Variants in SLC24A3 observed in about 807,000 individuals in gnomAD.
The protein encoded by SLC24A3 is solute carrier family 24 member 3.
In SLC24A3, 28 loss-of-function variants were observed where a neutral mutation model predicts 75.8. That is an observed-to-expected ratio of 0.37 (90% CI 0.27 to 0.51). SLC24A3 has a LOEUF of 0.51. Ranked by LOEUF, SLC24A3 falls within the 20% of genes least tolerant of loss-of-function variation. The probability of loss-of-function intolerance (pLI) is 0.94; values close to 1 mark genes in which losing one functional copy is unlikely to be tolerated. For missense variants in SLC24A3, 663 were observed against 847.8 expected, an observed-to-expected ratio of 0.78 and a Z score of 2.71; for synonymous variants, 372 against 334.1, an observed-to-expected ratio of 1.11 and a Z score of -1.24.
At chr20:19,605,683 C>T (rs1036186235) in intron 6 of SLC24A3, among the ~76,000 whole-genome samples, 4 of 152,186 alleles carry the variant, frequency 2.6e-5, no homozygotes, top group Admixed American at 6.5e-5. Context: ...GATTTTTCGA[C>T]GTCTTCCCCA....
chr20:19,314,955 A>T (rs1984549753), intron 2 of SLC24A3, among the ~76,000 whole-genome samples: 1 of 152,168 alleles, frequency 6.6e-6, no homozygotes, highest in African/African-American at 2.4e-5. Context: ...CATTAACTGC[A>T]TGTTGTGGCA....
At chr20:19,493,011 G>T (rs1988230343) in intron 2 of SLC24A3, among the ~76,000 whole-genome samples, 1 of 152,180 alleles carries the variant, frequency 6.6e-6, no homozygotes, top group South Asian at 2.1e-4. Flanking sequence ...ATGTCTCACT[G>T]CCGATATCTG....
At chr20:19,228,367 C>T (rs976206966) in intron 1 of SLC24A3, among the ~76,000 whole-genome samples, 5 of 152,108 alleles carry the variant, frequency 3.3e-5, no homozygotes, top group South Asian at 2.1e-4. Flanking sequence ...GGGCCGGGCG[C>T]GGTGGCTCAC....
chr20:19,469,001 T>C (rs912294526), intron 2 of SLC24A3, among the ~76,000 whole-genome samples: 2 of 152,074 alleles, frequency 1.3e-5, no homozygotes, highest in Admixed American at 6.5e-5. Flanking sequence ...TTCAGAGAGA[T>C]GGATACTTAA....
chr20:19,410,696 A>G (rs1412714465), intron 2 of SLC24A3, among the ~76,000 whole-genome samples: 3 of 152,234 alleles, frequency 2.0e-5, no homozygotes, highest in Non-Finnish European at 2.9e-5. Flanking sequence ...CCTGGCACAT[A>G]ATAGGTGCTC....
intron 6 of SLC24A3, among the ~76,000 whole-genome samples, chr20:19,645,647 T>C (rs1006910537): frequency 6.6e-6 from 1 of 152,058 alleles, no homozygotes; most frequent in African/African-American, 2.4e-5. Context: ...AAACCAAAAG[T>C]CTTGATGTTG....
At chr20:19,516,874 C>T (rs1170550519) in intron 3 of SLC24A3, among the ~76,000 whole-genome samples, 1 of 152,198 alleles carries the variant, frequency 6.6e-6, no homozygotes, top group African/African-American at 2.4e-5. Flanking sequence ...GCTGTGGAGT[C>T]AGAGAAGACA....
chr20:19,504,277 C>T (rs767252066), intron 2 of SLC24A3, among the ~76,000 whole-genome samples: 71 of 152,144 alleles, frequency 4.7e-4, no homozygotes, highest in Non-Finnish European at 8.5e-4. Flanking sequence ...TGTTATTATC[C>T]TCCCATCTAT....
Position 19,537,578 on chromosome 20 carries a change from G to A in SLC24A3, c.348+22014G>A, listed in dbSNP as rs1291836000. Among the ~76,000 whole-genome samples the A allele has an allele frequency of 3.5e-3, 529 of 152,120 alleles. 5 individuals carry two copies. Among genetic ancestry groups the A allele is most frequent in the African/African-American group, 0.012 (494 of 41,506 alleles). On this transcript the variant is annotated intron_variant, in intron 3 of 16. Transcript: ENST00000328041. ...TGCTGCTATAAAGACACATGCACAC[G>A]TATGTTTATTGCAGCACTATTCACA...
rs115992559 is a variant in SLC24A3, at chr20:19,279,964, A to T, written c.143-995A>T. ...CTAAAGAGAGAGTCATGCTGTGGCC[A>T]GCAACGTGGCCATTCCACTGTTCTC... is the stretch of plus-strand genomic sequence containing the variant. On this transcript the variant is annotated intron_variant, in intron 1 of 16. Transcript: ENST00000328041. 9.8e-3 allele frequency among the ~76,000 whole-genome samples: 1,490 copies of T among 152,320 alleles called. 22 individuals carry two copies. The highest frequency in any genetic ancestry group is 0.033 in the African/African-American group (1,353 of 41,558).
chr20:19,370,532 G>A (rs553076063), intron 2 of SLC24A3, among the ~76,000 whole-genome samples: 1 of 152,354 alleles, frequency 6.6e-6, no homozygotes, highest in South Asian at 2.1e-4. Flanking sequence ...CTTGAAGCCA[G>A]ACAGTCCGTG....
chr20:19,332,480 A>G (rs924424571), intron 2 of SLC24A3, among the ~76,000 whole-genome samples: 1 of 152,184 alleles, frequency 6.6e-6, no homozygotes, highest in African/African-American at 2.4e-5. Flanking sequence ...GAAGTCACTC[A>G]ATGCCTTTCA....
In SLC24A3 at chr20:19,222,432, A is replaced by G. The variant is rs78830316; in HGVS notation, c.142+9448A>G. ...TTGTTGATTGTATCTCTGTTATGCT[A>G]TCTAACTGGGCTATTTTATTGGGCA... On this transcript the variant is annotated intron_variant, in intron 1 of 16. Coordinates refer to ENST00000328041, the MANE Select transcript of SLC24A3 (RefSeq NM_020689.4). Among the ~76,000 whole-genome samples the G allele has an allele frequency of 6.1e-3, 924 of 152,256 alleles. 5 individuals carry two copies. The highest frequency in any genetic ancestry group is 0.02 in the African/African-American group (835 of 41,542).
chr20:19,699,116 A>T (rs565106942), intron 15 of SLC24A3, among the ~76,000 whole-genome samples: 1 of 152,366 alleles, frequency 6.6e-6, no homozygotes, highest in African/African-American at 2.4e-5. Flanking sequence ...CAACCATTTA[A>T]ATATGTAAAA....
At chr20:19,441,255 T>G (rs1384920698) in intron 2 of SLC24A3, among the ~76,000 whole-genome samples, 2 of 152,286 alleles carry the variant, frequency 1.3e-5, no homozygotes, top group Admixed American at 1.3e-4. Context: ...CTCATCTTCT[T>G]GGACCCCGGC....
intron 3 of SLC24A3, among the ~76,000 whole-genome samples, chr20:19,565,680 C>G (rs543839952): frequency 6.6e-6 from 1 of 152,184 alleles, no homozygotes; most frequent in Non-Finnish European, 1.5e-5. Flanking sequence ...TGTATTGATT[C>G]CTATCACCTG....
intron 2 of SLC24A3, among the ~76,000 whole-genome samples, chr20:19,477,798 A>G (rs1987986090): frequency 6.6e-6 from 1 of 152,174 alleles, no homozygotes; most frequent in Admixed American, 6.5e-5. Flanking sequence ...TATAGTATAC[A>G]CTGTACCTAC....
At chr20:19,317,701 T>A (rs60950108) in intron 2 of SLC24A3, among the ~76,000 whole-genome samples, 3,051 of 152,220 alleles carry the variant, frequency 0.02, 36 homozygotes, top group African/African-American at 0.029. Context: ...TCTTTTGTTC[T>A]CCCCTTCACC....
intron 2 of SLC24A3, among the ~76,000 whole-genome samples, chr20:19,364,720 G>A (rs1985855178): frequency 6.6e-6 from 1 of 152,120 alleles, no homozygotes; most frequent in Admixed American, 6.5e-5. Flanking sequence ...CTCCCAACAT[G>A]CTGGGATTAC....
Sources: allele counts gnomAD v4.1 joint callset (sites outside exome capture counted in the v4.1 genomes callset), GRCh38; gene constraint gnomAD v4.1.1; transcripts MANE v1.5; gene names NCBI Gene and HGNC (gene_info 2026-07-23, HGNC 2026-07-21).